Variants in RBFOX1 observed in about 807,000 individuals in gnomAD.
RBFOX1 encodes RNA binding protein fox-1 homolog 1.
A neutral mutation model predicts 57.7 loss-of-function variants in RBFOX1; 8 were observed. That is an observed-to-expected ratio of 0.14 (90% CI 0.08 to 0.25). The LOEUF is 0.25. Among genes scored for constraint, RBFOX1 ranks in the 10% least tolerant of loss-of-function variants. The pLI, the probability that RBFOX1 is intolerant of heterozygous loss-of-function variation, is 1.00. For missense variants in RBFOX1, 611 were observed against 548.5 expected, an observed-to-expected ratio of 1.11 and a Z score of -1.14; for synonymous variants, 326 against 222.4, an observed-to-expected ratio of 1.47 and a Z score of -4.15.
At chr16:7,640,679 G>C in intron 11 of RBFOX1, among the ~76,000 whole-genome samples, 1 of 152,200 alleles carries the variant, frequency 6.6e-6, no homozygotes, top group Non-Finnish European at 1.5e-5. Context: ...CCCAAGTCCT[G>C]TGATAGCATT....
chr16:6,817,248 A>G (rs1440443811), intron 3 of RBFOX1, among the ~76,000 whole-genome samples: 2 of 152,110 alleles, frequency 1.3e-5, no homozygotes, highest in Non-Finnish European at 2.9e-5. Flanking sequence ...GGAATCAGAC[A>G]CCCAGGTAAC....
intron 4 of RBFOX1, among the ~76,000 whole-genome samples, chr16:5,971,848 G>T (rs1596322125): frequency 6.6e-6 from 1 of 152,200 alleles, no homozygotes; most frequent in Non-Finnish European, 1.5e-5. Context: ...TTTTGGATGA[G>T]ATTAACATTT....
At chr16:7,050,036 A>G (rs1218903857) in intron 3 of RBFOX1, among the ~76,000 whole-genome samples, 1 of 152,136 alleles carries the variant, frequency 6.6e-6, no homozygotes, top group African/African-American at 2.4e-5. Context: ...GTCCTCTGGC[A>G]ACATTTAATT....
At chr16:6,921,491 A>G (rs2074428271) in intron 3 of RBFOX1, among the ~76,000 whole-genome samples, 1 of 152,124 alleles carries the variant, frequency 6.6e-6, no homozygotes, top group Non-Finnish European at 1.5e-5. Context: ...TACCTTCCAG[A>G]GGCTGCATTC....
At chr16:7,260,862 T>C (rs573399930) in intron 4 of RBFOX1, among the ~76,000 whole-genome samples, 1 of 152,246 alleles carries the variant, frequency 6.6e-6, no homozygotes, top group African/African-American at 2.4e-5. Context: ...GGAACCCCTA[T>C]CTAATTAAGA....
At chr16:5,381,091 G>A (rs1176300923) in intron 1 of RBFOX1, among the ~76,000 whole-genome samples, 4 of 152,168 alleles carry the variant, frequency 2.6e-5, no homozygotes, top group African/African-American at 7.2e-5. Flanking sequence ...AAATAGATAC[G>A]CCACTGGAGA....
chr16:5,838,976 T>A (rs78607639), intron 3 of RBFOX1, among the ~76,000 whole-genome samples: 5,627 of 152,224 alleles, frequency 0.037, 327 homozygotes, highest in African/African-American at 0.13. Context: ...CATTTGGCAA[T>A]ATCTGAAAGT....
intron 3 of RBFOX1, among the ~76,000 whole-genome samples, chr16:6,719,522 G>A (rs763348098): frequency 6.6e-6 from 1 of 151,162 alleles, no homozygotes; most frequent in Admixed American, 6.6e-5. Context: ...CTCACTGTTA[G>A]CTCCACCTCC....
At chr16:6,828,097 C>G (rs115748021) in intron 3 of RBFOX1, among the ~76,000 whole-genome samples, 1 of 152,100 alleles carries the variant, frequency 6.6e-6, no homozygotes, top group Non-Finnish European at 1.5e-5. Flanking sequence ...GAAGAACCAA[C>G]AGAAGGTACA....
chr16:5,706,092 G>C (rs942833948), intron 3 of RBFOX1, among the ~76,000 whole-genome samples: 1 of 152,164 alleles, frequency 6.6e-6, no homozygotes, highest in Admixed American at 6.5e-5. Context: ...TGTATTTTTA[G>C]TAGAGATGGG....
At chr16:5,996,865 G>A (rs945107502) in intron 4 of RBFOX1, among the ~76,000 whole-genome samples, 1 of 152,072 alleles carries the variant, frequency 6.6e-6, no homozygotes, top group Non-Finnish European at 1.5e-5. Flanking sequence ...GAAACCCACT[G>A]TTGTAAAGAA....
chr16:5,980,332 T>C (rs11649589), intron 4 of RBFOX1, among the ~76,000 whole-genome samples: 41,875 of 151,998 alleles, frequency 0.28, 5,962 homozygotes, highest in South Asian at 0.34. Flanking sequence ...CAGAACGGTA[T>C]AGATGGTAAT....
intron 3 of RBFOX1, among the ~76,000 whole-genome samples, chr16:6,732,890 T>G (rs2069036321): frequency 6.6e-6 from 1 of 152,238 alleles, no homozygotes; most frequent in Non-Finnish European, 1.5e-5. Flanking sequence ...GAAAGTTTGT[T>G]GATCCTTGTG....
At chr16:6,931,340 T>A (rs58545367) in intron 3 of RBFOX1, among the ~76,000 whole-genome samples, 1 of 106,938 alleles carries the variant, frequency 9.4e-6, no homozygotes, top group African/African-American at 3.3e-5. Flanking sequence ...TATCTATCTC[T>A]ACACACACAC....
intron 4 of RBFOX1, among the ~76,000 whole-genome samples, chr16:7,490,237 A>ATGACACTTT (rs1399030786): frequency 1.3e-5 from 2 of 152,224 alleles, no homozygotes; most frequent in Non-Finnish European, 2.9e-5. Flanking sequence ...TGAGAAAAGA[A>ATGACACTTT]TGACACTTTG....
chr16:6,443,852 A>G (rs1160911210), intron 2 of RBFOX1, among the ~76,000 whole-genome samples: 1 of 151,972 alleles, frequency 6.6e-6, no homozygotes, highest in Non-Finnish European at 1.5e-5. Flanking sequence ...GCACCCATCC[A>G]TCCATCCATC....
At chr16:5,763,989 A>G (rs562121501) in intron 3 of RBFOX1, among the ~76,000 whole-genome samples, 2 of 152,294 alleles carry the variant, frequency 1.3e-5, no homozygotes, top group Admixed American at 1.3e-4. Flanking sequence ...GAACACATGC[A>G]CCTCAAGGGC....
chr16:7,536,169 A>G (rs535721454), intron 5 of RBFOX1, among the ~76,000 whole-genome samples: 1 of 152,246 alleles, frequency 6.6e-6, no homozygotes, highest in South Asian at 2.1e-4. Flanking sequence ...TGGAAAGGAG[A>G]GCTGACTGTA....
At chr16:5,935,873 TTGGCTGAATTCACAGAGGTATAA>T (rs2059157819) in intron 4 of RBFOX1, among the ~76,000 whole-genome samples, 1 of 152,110 alleles carries the variant, frequency 6.6e-6, no homozygotes, top group Admixed American at 6.5e-5. Context: ...ATCCTGGTTG[TTGGCTGAATTCACAGAGGTATAA>T]TGGCTACAGA....
Sources: gnomAD v4.1 joint callset for allele counts (sites outside exome capture counted in the v4.1 genomes callset) on GRCh38, gnomAD v4.1.1 for gene constraint, MANE v1.5 for transcripts, NCBI Gene and HGNC (gene_info 2026-07-23, HGNC 2026-07-21) for gene names.